PPP6R3: variants seen among roughly 807,000 people sequenced by gnomAD.
The protein encoded by PPP6R3 is protein phosphatase 6 regulatory subunit 3, also known as serine/threonine-protein phosphatase 6 regulatory subunit 3.
A neutral mutation model predicts 110.7 loss-of-function variants in PPP6R3; 38 were observed. The ratio of observed to expected loss-of-function variants is 0.34; its 90% confidence interval spans 0.26 to 0.45. PPP6R3 has a LOEUF of 0.45. PPP6R3 is among the 20% of genes least tolerant of loss of function. The probability of loss-of-function intolerance (pLI) is 1.00; values close to 1 mark genes in which losing one functional copy is unlikely to be tolerated. For synonymous variants in PPP6R3, 369 were observed against 373.5 expected (o/e 0.99, Z 0.14); for missense variants, 870 against 1,062.4 (o/e 0.82, Z 2.52).
intron 8 of PPP6R3, among the ~76,000 whole-genome samples, chr11:68,559,226 A>G (rs1018299417): frequency 1.3e-5 from 2 of 152,220 alleles, no homozygotes; most frequent in African/African-American, 4.8e-5. Context: ...TTTCTTCTAC[A>G]TGTTTTATAA....
chr11:68,474,197 A>G (rs1416209701), intron 1 of PPP6R3, among the ~76,000 whole-genome samples: 1 of 152,028 alleles, frequency 6.6e-6, no homozygotes, highest in Non-Finnish European at 1.5e-5. Context: ...AGCACACACC[A>G]CCATGCCTGG....
chr11:68,473,908 G>T (rs750735502), intron 1 of PPP6R3, among the ~76,000 whole-genome samples: 1 of 152,152 alleles, frequency 6.6e-6, no homozygotes, highest in Non-Finnish European at 1.5e-5. Context: ...TTCTCTTGGT[G>T]TATACGTAGG....
chr11:68,539,704 G>T (rs375991234), intron 3 of PPP6R3, among the ~76,000 whole-genome samples: 8 of 152,352 alleles, frequency 5.3e-5, no homozygotes, highest in East Asian at 1.9e-4. Context: ...CTGGGATTGT[G>T]TAGTTTTGGG....
At chr11:68,499,294 A>G (rs2099035737) in intron 1 of PPP6R3, among the ~76,000 whole-genome samples, 1 of 152,014 alleles carries the variant, frequency 6.6e-6, no homozygotes, top group Admixed American at 6.6e-5. Context: ...GCCTTCATGG[A>G]TCCGCTGGAG....
intron 1 of PPP6R3, among the ~76,000 whole-genome samples, chr11:68,517,474 T>C (rs1201449874): frequency 6.6e-6 from 1 of 152,166 alleles, no homozygotes; most frequent in Non-Finnish European, 1.5e-5. Flanking sequence ...CCAAGACTCC[T>C]TGGAGAAATG....
rs2099111438 is a variant in PPP6R3 at position 68,511,734 on chromosome 11, G to T, written c.-157-7767G>T. On this transcript the variant is annotated intron_variant, in intron 1 of 23. Coordinates refer to ENST00000393800, the MANE Select transcript of PPP6R3 (RefSeq NM_001164161.2). ...GACTTCAGATGATCCACCCGCCTCG[G>T]CCTCCCAAAGTGCTGGGATTACAGG... 2.1e-5 allele frequency among the ~76,000 whole-genome samples: 3 copies of T among 145,442 alleles called. No individual in the cohort carries two copies. The South Asian group carries it at 6.6e-4, about 32-fold the overall frequency.
At chr11:68,570,111 A>G (rs1002503235) in intron 11 of PPP6R3, among the ~76,000 whole-genome samples, 4 of 152,254 alleles carry the variant, frequency 2.6e-5, no homozygotes, top group Non-Finnish European at 4.4e-5. Flanking sequence ...CTTGTAAGAA[A>G]AAAGCTAAGT....
chr11:68,593,205 C>G (rs1347100573), intron 18 of PPP6R3, among the ~76,000 whole-genome samples: 2 of 35,656 alleles, frequency 5.6e-5, no homozygotes, highest in African/African-American at 2.4e-4. Context: ...TCCCGTCCCC[C>G]ACAACCGTCT....
chr11:68,463,362 A>AAAAAAAAAC (rs2098722251), intron 1 of PPP6R3, among the ~76,000 whole-genome samples: 1 of 147,234 alleles, frequency 6.8e-6, no homozygotes, highest in African/African-American at 2.7e-5. Context: ...TCAGAAAAAA[A>AAAAAAAAAC]AAAAAAAAAA....
chr11:68,591,738 A>C (rs1394001879), intron 18 of PPP6R3, 32 bp downstream of exon 18: 3 of 1,589,866 alleles, frequency 1.9e-6, no homozygotes, highest in Non-Finnish European at 2.6e-6. Flanking sequence ...TTGTAATTAT[A>C]GCCAACCTGT....
chr11:68,613,343 T>C lies in PPP6R3; in HGVS notation c.*226T>C. On this transcript the variant is annotated 3_prime_UTR_variant, in exon 24 of 24. Coordinates refer to ENST00000393800, the MANE Select transcript of PPP6R3 (RefSeq NM_001164161.2). ...CCAAGAATTTTTGCGTATGTTTATA[T>C]TGTATTGTTCTAAATAATGGGTAGC... The C allele has an allele frequency of 7.6e-7, 1 of 1,319,854 alleles. No homozygotes were observed. Among genetic ancestry groups the C allele is most frequent in the Non-Finnish European group, 9.7e-7 (1 of 1,035,982 alleles). The allele number at this position is 1,319,854 out of a possible 1,614,324, so 81.8% of individuals were successfully genotyped here.
chr11:68,523,766 T>C (rs1255880277), intron 2 of PPP6R3, among the ~76,000 whole-genome samples: 3 of 144,446 alleles, frequency 2.1e-5, no homozygotes, highest in Admixed American at 7.1e-5. Flanking sequence ...GATTATAATA[T>C]GTTATTCTAA....
intron 15 of PPP6R3, among the ~76,000 whole-genome samples, chr11:68,585,101 CCCAG>C (rs1390254605): frequency 6.6e-6 from 1 of 152,190 alleles, no homozygotes; most frequent in Non-Finnish European, 1.5e-5. Flanking sequence ...AACCAGGTAA[CCCAG>C]CCACGTCACC....
chr11:68,466,904 C>T (rs186520633), intron 1 of PPP6R3, among the ~76,000 whole-genome samples: 3,586 of 152,034 alleles, frequency 0.024, 138 homozygotes, highest in African/African-American at 0.081. Context: ...TGAGCCACCG[C>T]GCCTGGCCAT....
chr11:68,478,483 C>G (rs2098855269), intron 1 of PPP6R3, among the ~76,000 whole-genome samples: 1 of 152,050 alleles, frequency 6.6e-6, no homozygotes, highest in African/African-American at 2.4e-5. Flanking sequence ...GTAACTATGA[C>G]AAGTGACTTT....
At chr11:68,546,984 T>G (rs2099351718) in intron 4 of PPP6R3, among the ~76,000 whole-genome samples, 1 of 152,208 alleles carries the variant, frequency 6.6e-6, no homozygotes, top group Non-Finnish European at 1.5e-5. Context: ...TTTCTTGAAG[T>G]TTTATATCAT....
At position 68,556,535 on chromosome 11, in the gene PPP6R3, TAAA is replaced by T. The variant is rs11375771; in HGVS notation, c.732-2019_732-2017del. On this transcript the variant is annotated intron_variant, in intron 7 of 23. Coordinates refer to ENST00000393800, the MANE Select transcript of PPP6R3 (RefSeq NM_001164161.2). The stretch of plus-strand genomic sequence containing the variant: ...GGTTTTTTGTAAGTGAATTTCTCAT[TAAA>T]AAAAAAAAAAACGAAAAAAAAAAAC... Among the ~76,000 whole-genome samples, 80 of 107,832 alleles carry T rather than the reference TAAA, an allele frequency of 7.4e-4. 3 individuals are homozygous for T. The highest frequency in any genetic ancestry group is 6.4e-3 in the Admixed American group (66 of 10,248). The allele number at this position is 107,832 out of a possible 152,430, so 70.7% of individuals were successfully genotyped here.
chr11:68,606,375 C>T (rs952841666), intron 22 of PPP6R3, among the ~76,000 whole-genome samples: 6 of 150,598 alleles, frequency 4.0e-5, no homozygotes, highest in Non-Finnish European at 3.0e-5. Context: ...CGGCTCACTG[C>T]AATCTCTGTC....
At position 68,583,101 on chromosome 11, in the gene PPP6R3, G is replaced by A; in HGVS notation, c.1604G>A (p.Gly535Asp). 6.5e-7 allele frequency: 1 copy of A among 1,547,112 alleles called. No homozygotes were observed. The highest frequency in any genetic ancestry group is 2.5e-5 in the East Asian group (1 of 40,812). The stretch of plus-strand genomic sequence containing the variant: ...GATGAAATTGACTTTAAAGAAACGG[G>A]TTTCTCACAGGATTCTTCTTTGCAG... ...SDDEIDFKET[G>D]FSQDSSLQQA... The change falls in exon 15 of 24, where the codon GGT (glycine) becomes GAT (aspartate). Residue 535 changes from glycine (G) to aspartate (D), a missense_variant. Gly to Asp is a moderately conservative substitution (Grantham distance 94). Transcript: ENST00000393800.
Sources: gnomAD v4.1 joint callset for allele counts (sites outside exome capture counted in the v4.1 genomes callset) on GRCh38, gnomAD v4.1.1 for gene constraint, MANE v1.5 for transcripts, NCBI Gene and HGNC (gene_info 2026-07-23, HGNC 2026-07-21) for gene names.